The following NVL variants were observed in gnomAD, a reference collection of about 807,000 sequenced individuals.
The protein encoded by NVL is nuclear valosin-containing protein-like.
NVL carries 84 observed loss-of-function variants against 110.2 expected under a neutral mutation model. The ratio of observed to expected loss-of-function variants is 0.76; its 90% confidence interval spans 0.64 to 0.91. NVL has a LOEUF of 0.91. Ranked by LOEUF, NVL falls within the 40% of genes least tolerant of loss-of-function variation. NVL has a pLI of 0.00. For synonymous variants in NVL, 354 were observed against 361.1 expected, an observed-to-expected ratio of 0.98 and a Z score of 0.22; for missense variants, 882 against 1,035.9, an observed-to-expected ratio of 0.85 and a Z score of 2.04.
At chr1:224,299,167 C>T (rs1257636728) in intron 10 of NVL, among the ~76,000 whole-genome samples, 1 of 152,078 alleles carries the variant, frequency 6.6e-6, no homozygotes, top group Non-Finnish European at 1.5e-5. Flanking sequence ...GGATCTCTTC[C>T]CTAATCATCC....
intron 22 of NVL, 109 bp from the exon 23 acceptor site, chr1:224,227,779 T>G: frequency 1.1e-6 from 1 of 947,450 alleles, no homozygotes; most frequent in Non-Finnish European, 1.6e-6. Flanking sequence ...GACCTCAGAA[T>G]GTGATTGTAA....
Position 224,287,755 on chromosome 1 carries a change from T to A in NVL, c.1794+20A>T. On this transcript the variant is annotated intron_variant, in intron 14 of 22. Coordinates refer to ENST00000281701, the MANE Select transcript of NVL (RefSeq NM_002533.4). ...TTAATCCATGACATGCCAATAATAT[T>A]TGGCAGCTGATATACCTACCAATAT... 6.3e-7 allele frequency: 1 copy of A among 1,598,684 alleles called. No homozygotes were observed. Among genetic ancestry groups the A allele is most frequent in the Non-Finnish European group, 8.6e-7 (1 of 1,166,308 alleles).
chr1:224,317,611 A>G (rs1572057548), intron 4 of NVL, 83 bp downstream of exon 4: 2 of 801,552 alleles, frequency 2.5e-6, no homozygotes, highest in East Asian at 4.9e-5. Context: ...GTTGGCAATG[A>G]AGAGCCACTG....
chr1:224,234,078 A>C (rs1008216617), intron 20 of NVL, among the ~76,000 whole-genome samples: 8 of 152,198 alleles, frequency 5.3e-5, no homozygotes, highest in African/African-American at 1.9e-4. Flanking sequence ...CAGAAGGGAA[A>C]AATACAAACC....
At chr1:224,279,967 C>T (rs917258893) in intron 16 of NVL, among the ~76,000 whole-genome samples, 10 of 151,928 alleles carry the variant, frequency 6.6e-5, no homozygotes, top group African/African-American at 1.9e-4. Context: ...TTACAGGTGT[C>T]GGCCACTGTG....
chr1:224,294,904 G>A (rs1401694601), intron 11 of NVL, among the ~76,000 whole-genome samples: 3 of 152,232 alleles, frequency 2.0e-5, no homozygotes, highest in Non-Finnish European at 4.4e-5. Flanking sequence ...CAGGCAAGGT[G>A]AGCAGGACAA....
chr1:224,268,371 G>T (rs1027841282), intron 17 of NVL, among the ~76,000 whole-genome samples: 2 of 152,090 alleles, frequency 1.3e-5, no homozygotes. Flanking sequence ...ATTTGTCCAA[G>T]TTCTCATCAC....
intron 9 of NVL, among the ~76,000 whole-genome samples, chr1:224,302,557 A>G (rs1391213916): frequency 6.6e-6 from 1 of 152,150 alleles, no homozygotes; most frequent in Admixed American, 6.6e-5. Context: ...TGTCCCCTAC[A>G]GTTTCTGAAA....
At chr1:224,323,905 T>C (rs530021997) in intron 2 of NVL, among the ~76,000 whole-genome samples, 1 of 152,342 alleles carries the variant, frequency 6.6e-6, no homozygotes, top group Non-Finnish European at 1.5e-5. Context: ...TTTTTTCCAA[T>C]TGCTCTCTTT....
At chr1:224,234,920 C>G (rs1246056576) in intron 20 of NVL, among the ~76,000 whole-genome samples, 1 of 152,150 alleles carries the variant, frequency 6.6e-6, no homozygotes, top group African/African-American at 2.4e-5. Context: ...CCAAAATCAC[C>G]TGTTACTCAC....
Position 224,275,213 on chromosome 1 carries a change from CTAAG to C in NVL, c.2082+122_2082+125del, listed in dbSNP as rs1169252841. ...ATCTCTAGGATTTGATTTCAAATTACTAAGTGTCTTCATTAAGAGTCTCAATGCT... is the reference window on the plus strand; with the variant it reads ...ATCTCTAGGATTTGATTTCAAATTACTGTCTTCATTAAGAGTCTCAATGCT... On this transcript the variant is annotated intron_variant, in intron 17 of 22. Transcript: ENST00000281701. 6.6e-6 allele frequency: 7 copies of C among 1,057,144 alleles called. No homozygotes were observed. In the African/African-American group the frequency reaches 7.9e-5, roughly 12 times the overall value. 65.5% of individuals were successfully genotyped at this position (1,057,144 alleles called of 1,614,324 possible). A position where few individuals can be genotyped will look rare whatever the true frequency, so the allele number is the denominator to read the frequency against.
chr1:224,329,828 C>T (rs560621374), intron 1 of NVL, among the ~76,000 whole-genome samples: 2 of 152,308 alleles, frequency 1.3e-5, no homozygotes, highest in East Asian at 1.9e-4. Flanking sequence ...GACCAGACAA[C>T]TTGGGCAGCC....
Position 224,227,537 on chromosome 1 carries a change from TGTCCAGCTGA to T in NVL, c.*79_*88del. On this transcript the variant is annotated 3_prime_UTR_variant, in exon 23 of 23. Coordinates refer to ENST00000281701, the MANE Select transcript of NVL (RefSeq NM_002533.4). ...AAATGTTTACATGAGGCCGCGCCTGTGTCCAGCTGAAAGTGGGTCCTTCAGAGCGTGTGGG... is the reference window on the plus strand; with the variant it reads ...AAATGTTTACATGAGGCCGCGCCTGTAAGTGGGTCCTTCAGAGCGTGTGGG... 1 of 1,148,540 alleles carries T rather than the reference TGTCCAGCTGA, an allele frequency of 8.7e-7. No homozygotes were observed. The highest frequency in any genetic ancestry group is 1.3e-6 in the Non-Finnish European group (1 of 797,958). 71.1% of individuals were successfully genotyped at this position (1,148,540 alleles called of 1,614,324 possible). A position where few individuals can be genotyped will look rare whatever the true frequency, so the allele number is the denominator to read the frequency against.
chr1:224,307,973 A>G lies in NVL; in HGVS notation c.615+18T>C. 6.6e-7 allele frequency: 1 copy of G among 1,510,830 alleles called. No individual in the cohort carries two copies. Among genetic ancestry groups the G allele is most frequent in the Non-Finnish European group, 8.8e-7 (1 of 1,132,174 alleles). 93.6% of individuals were successfully genotyped at this position (1,510,830 alleles called of 1,614,324 possible). On this transcript the variant is annotated intron_variant, in intron 6 of 22. Transcript: ENST00000281701. ...TGTACTTCGATGATATGGGGCTAAA[A>G]TTTCATTACAAAAATACCTGTATCT...
chr1:224,309,101 T>C (rs891325937), intron 5 of NVL, among the ~76,000 whole-genome samples: 1 of 146,846 alleles, frequency 6.8e-6, no homozygotes. Context: ...TCCATTCCAA[T>C]GGAAACCAAT....
intron 13 of NVL, chr1:224,289,063 G>A (rs1667130782): frequency 6.1e-6 from 1 of 162,748 alleles, no homozygotes; most frequent in Non-Finnish European, 1.3e-5. Flanking sequence ...TTCTGTAAAG[G>A]TTTAGACTGT....
intron 15 of NVL, among the ~76,000 whole-genome samples, chr1:224,284,987 T>C (rs1666714201): frequency 6.6e-6 from 1 of 152,208 alleles, no homozygotes; most frequent in Non-Finnish European, 1.5e-5. Context: ...TTTAAAGTAG[T>C]GTTGTTTCAA....
chr1:224,283,139 A>C (rs1352744655), intron 15 of NVL, among the ~76,000 whole-genome samples: 1 of 152,212 alleles, frequency 6.6e-6, no homozygotes, highest in Non-Finnish European at 1.5e-5. Context: ...GAAGCTGTGA[A>C]GTCCATTCAT....
intron 9 of NVL, chr1:224,303,152 T>C (rs1251188167): frequency 1.4e-4 from 23 of 165,314 alleles, no homozygotes. Context: ...CGTATTATTA[T>C]GGCCGGGTGC....
Sources: gnomAD v4.1 joint callset for allele counts (sites outside exome capture counted in the v4.1 genomes callset) on GRCh38, gnomAD v4.1.1 for gene constraint, MANE v1.5 for transcripts, NCBI Gene and HGNC (gene_info 2026-07-23, HGNC 2026-07-21) for gene names.